Variants in ZNF723 observed in about 807,000 individuals in gnomAD.
ZNF723 encodes zinc finger protein 723, pseudogene.
A neutral mutation model predicts 9.4 loss-of-function variants in ZNF723; 5 were observed. The observed-to-expected ratio is 0.53, with a 90% CI of 0.28 to 1.12. The LOEUF is 1.12. Among genes scored for constraint, ZNF723 ranks in the 50% most tolerant of loss-of-function variants. ZNF723 has a pLI of 0.10. For synonymous variants in ZNF723, 158 were observed against 168.8 expected (o/e 0.94, Z 0.49); for missense variants, 450 against 501.5 (o/e 0.90, Z 0.98).
chr19:22,830,427 C>T (rs1300170617), upstream of ZNF723, among the ~76,000 whole-genome samples: 1 of 152,124 alleles, frequency 6.6e-6, no homozygotes. Context: ...CTCAGCCTCC[C>T]AAAGTGCTAG....
At chr19:22,841,808 A>G (rs1967248856) in intron 1 of ZNF723, among the ~76,000 whole-genome samples, 1 of 152,090 alleles carries the variant, frequency 6.6e-6, no homozygotes, top group African/African-American at 2.4e-5. Context: ...TCCTATTGCT[A>G]AAATACCCAC....
At chr19:22,851,256 C>CT (rs1967390826) in intron 3 of ZNF723, among the ~76,000 whole-genome samples, 1 of 152,122 alleles carries the variant, frequency 6.6e-6, no homozygotes, top group South Asian at 2.1e-4. Flanking sequence ...ACTGCAACCA[C>CT]TGCCTCATGG....
intron 1 of ZNF723, among the ~76,000 whole-genome samples, chr19:22,842,188 A>G (rs1463227465): frequency 6.6e-6 from 1 of 152,146 alleles, no homozygotes; most frequent in African/African-American, 2.4e-5. Flanking sequence ...TATTTTTAGT[A>G]AAGAAGGGGT....
intron 3 of ZNF723, among the ~76,000 whole-genome samples, chr19:22,854,081 A>G (rs895036412): frequency 2.0e-5 from 3 of 151,998 alleles, no homozygotes; most frequent in Non-Finnish European, 4.4e-5. Flanking sequence ...TCCTACTATA[A>G]TTATATTGCT....
the ZNF723 span, among the ~76,000 whole-genome samples, chr19:22,812,757 C>T: frequency 3.3e-5 from 5 of 152,122 alleles, no homozygotes; most frequent in East Asian, 3.9e-4. Flanking sequence ...TTTAAAGGTA[C>T]GAAATTGACT....
the ZNF723 span, among the ~76,000 whole-genome samples, chr19:22,816,797 C>A: frequency 2.6e-5 from 4 of 152,240 alleles, no homozygotes; most frequent in African/African-American, 9.6e-5. Flanking sequence ...CCCACATGGG[C>A]CATTGTAACA....
intron 2 of ZNF723, 66 bp downstream of exon 2, chr19:22,848,453 TG>T: frequency 8.4e-7 from 1 of 1,195,702 alleles, no homozygotes; most frequent in Non-Finnish European, 1.2e-6. Context: ...TGTTGTAGAA[TG>T]TTTTTTGGTA....
chr19:22,854,962 G>A (rs958752622), intron 3 of ZNF723, among the ~76,000 whole-genome samples: 1 of 151,928 alleles, frequency 6.6e-6, no homozygotes, highest in African/African-American at 2.4e-5. Context: ...CAAGAGAATC[G>A]CTTGAACCCA....
In ZNF723 at chr19:22,857,583, G is replaced by A; in HGVS notation, c.692G>A (p.Cys231Tyr). 7.4e-7 allele frequency: 1 copy of A among 1,343,824 alleles called. No homozygotes were observed. Among genetic ancestry groups the A allele is most frequent in the Non-Finnish European group, 1.1e-6 (1 of 934,712 alleles). The allele number at this position is 1,343,824 out of a possible 1,614,324, so 83.2% of individuals were successfully genotyped here. A position where few individuals can be genotyped will look rare whatever the true frequency, so the allele number is the denominator to read the frequency against. Reference protein sequence around the residue: ...RIHTGEKPYKCEECGKAFNVS... With the variant: ...RIHTGEKPYKYEECGKAFNVS... ...CATACTGGAGAGAAACCCTACAAAT[G>A]TGAAGAATGTGGCAAAGCCTTTAAT... The change falls in exon 4 of 4, where the codon TGT (cysteine) becomes TAT (tyrosine). Residue 231 changes from cysteine to tyrosine, a missense_variant. Around this residue, in one of 5 missense-constraint regions of ZNF723, gnomAD observed 237 missense variants for 332.2 expected, o/e 0.71. Coordinates refer to ENST00000600766, the MANE Select transcript of ZNF723 (RefSeq NM_001349726.2).
chr19:22,852,571 T>A (rs531575599), intron 3 of ZNF723, among the ~76,000 whole-genome samples: 1 of 152,320 alleles, frequency 6.6e-6, no homozygotes, highest in East Asian at 1.9e-4. Context: ...AGCATCTATT[T>A]GTGAATATAT....
the ZNF723 span, among the ~76,000 whole-genome samples, chr19:22,815,162 T>C: frequency 6.6e-6 from 1 of 152,170 alleles, no homozygotes; most frequent in Non-Finnish European, 1.5e-5. Context: ...GCTACTTTTC[T>C]GTTTTTCCTG....
intron 3 of ZNF723, among the ~76,000 whole-genome samples, chr19:22,854,325 T>G (rs1648275853): frequency 6.6e-6 from 1 of 152,174 alleles, no homozygotes; most frequent in Non-Finnish European, 1.5e-5. Context: ...CTTCTCTCAT[T>G]TGGTTAGTAT....
the ZNF723 span, among the ~76,000 whole-genome samples, chr19:22,819,379 C>A: frequency 1.3e-5 from 2 of 152,188 alleles, no homozygotes; most frequent in African/African-American, 4.8e-5. Flanking sequence ...GGGAGAGTGA[C>A]TTTTCACTGG....
rs1245730091 is a variant in ZNF723 at position 22,842,099 on chromosome 19, G to C, written c.4-6162G>C. On this transcript the variant is annotated intron_variant, in intron 1 of 3. Transcript: ENST00000600766. ...TGCTCACTGGAACCTCCACCTCCTA[G>C]GTTCAAGCGATTCTCCTGCCTCAGC... Among the ~76,000 whole-genome samples the C allele has an allele frequency of 2.0e-5, 3 of 152,220 alleles. No individual in the cohort carries two copies. The East Asian group carries it at 5.8e-4, about 30-fold the overall frequency.
At chr19:22,812,514 A>G in the ZNF723 span, among the ~76,000 whole-genome samples, 1 of 152,238 alleles carries the variant, frequency 6.6e-6, no homozygotes, top group South Asian at 2.1e-4. Context: ...CTCACAACTG[A>G]GCTTAGTTCC....
At chr19:22,820,807 T>C in the ZNF723 span, among the ~76,000 whole-genome samples, 11 of 152,284 alleles carry the variant, frequency 7.2e-5, no homozygotes, top group East Asian at 1.4e-3. Context: ...CCATTAGAAC[T>C]GTCACCCTTA....
At chr19:22,828,780 A>G (rs1346440342), upstream of ZNF723, among the ~76,000 whole-genome samples, 1 of 152,210 alleles carries the variant, frequency 6.6e-6, no homozygotes, top group East Asian at 1.9e-4. Flanking sequence ...CCAACTGAAA[A>G]TTGAAGAAAA....
chr19:22,853,043 G>A (rs1967420024), intron 3 of ZNF723, among the ~76,000 whole-genome samples: 1 of 152,048 alleles, frequency 6.6e-6, no homozygotes, highest in East Asian at 1.9e-4. Context: ...ATGATTTGGT[G>A]ACAGAAATTT....
intron 1 of ZNF723, among the ~76,000 whole-genome samples, chr19:22,838,971 T>A (rs570641608): frequency 2.6e-5 from 4 of 152,178 alleles, no homozygotes; most frequent in South Asian, 2.1e-4. Context: ...GGTCTCGAAC[T>A]CCTTACCTTA....
Sources: allele counts gnomAD v4.1 joint callset (sites outside exome capture counted in the v4.1 genomes callset), GRCh38; gene constraint gnomAD v4.1.1; regional missense constraint gnomAD v4.1.1; transcripts MANE v1.5; gene names NCBI Gene and HGNC (gene_info 2026-07-23, HGNC 2026-07-21).